Variants in DSE observed in about 807,000 individuals in gnomAD.
DSE encodes dermatan sulfate epimerase.
DSE carries 36 observed loss-of-function variants against 84.4 expected under a neutral mutation model. That is an observed-to-expected ratio of 0.43 (90% CI 0.33 to 0.56). DSE has a LOEUF of 0.56. Ranked by LOEUF, DSE falls within the 20% of genes least tolerant of loss-of-function variation. The pLI, the probability that DSE is intolerant of heterozygous loss-of-function variation, is 0.06. For synonymous variants in DSE, 410 were observed against 430.1 expected (o/e 0.95, Z 0.58); for missense variants, 862 against 1,169.6 (o/e 0.74, Z 3.84).
At chr6:116,288,519 A>C (rs1273803290) in intron 2 of DSE, 2 of 152,098 alleles carry the variant, frequency 1.3e-5, no homozygotes, top group Non-Finnish European at 2.9e-5. Context: ...CTTGAGAAAG[A>C]AGTGGGGCGT....
chr6:116,364,415 C>T (rs1779055776), intron 2 of DSE, among the ~76,000 whole-genome samples: 1 of 152,226 alleles, frequency 6.6e-6, no homozygotes, highest in Admixed American at 6.5e-5. Context: ...CGACTATTTC[C>T]CATCTAAAAG....
intron 2 of DSE, among the ~76,000 whole-genome samples, chr6:116,303,980 A>G (rs1775192123): frequency 6.6e-6 from 1 of 151,890 alleles, no homozygotes; most frequent in Admixed American, 6.6e-5. Flanking sequence ...CTAAAAATAC[A>G]AAAAAACTAG....
chr6:116,325,751 A>G lies in DSE; in HGVS notation c.-54+66784A>G, dbSNP rs532438363. Reference sequence around the variant, plus strand: ...TCAGATATTTTCCTGGCCTATCACTATGTAGCAGGACGAGCCACAGACAAA... The same window carrying G: ...TCAGATATTTTCCTGGCCTATCACTGTGTAGCAGGACGAGCCACAGACAAA... On this transcript the variant is annotated intron_variant, in intron 2 of 3. Coordinates refer to the DSE transcript ENST00000430252. Among the ~76,000 whole-genome samples the G allele has an allele frequency of 3.0e-4, 46 of 152,260 alleles. 1 individual carries two copies. The South Asian group carries it at 8.3e-3, about 27-fold the overall frequency.
chr6:116,363,353 CATAT>C (rs1419799824), intron 2 of DSE, among the ~76,000 whole-genome samples: 2 of 146,224 alleles, frequency 1.4e-5, no homozygotes, highest in Non-Finnish European at 3.0e-5. Flanking sequence ...TTAAAATATA[CATAT>C]ATATACACAT....
At chr6:116,404,738 G>A (rs1434573127) in intron 2 of DSE, among the ~76,000 whole-genome samples, 1 of 152,204 alleles carries the variant, frequency 6.6e-6, no homozygotes, top group Non-Finnish European at 1.5e-5. Flanking sequence ...TTCTCGCTAG[G>A]TTTCTTGGTA....
intron 2 of DSE, chr6:116,280,181 A>C: frequency 2.6e-6 from 1 of 388,282 alleles, no homozygotes; most frequent in Non-Finnish European, 5.0e-6. Flanking sequence ...GCAGTTGTAA[A>C]ATCACAGCCG....
intron 3 of DSE, among the ~76,000 whole-genome samples, chr6:116,428,395 ATTTT>A (rs1463356827): frequency 2.0e-5 from 3 of 152,130 alleles, no homozygotes; most frequent in African/African-American, 7.2e-5. Flanking sequence ...CCTTAAATAA[ATTTT>A]TATTTATTTA....
chr6:116,430,848 T>A, intron 3 of DSE, 106 bp from the exon 4 acceptor site: 1 of 1,478,310 alleles, frequency 6.8e-7, no homozygotes, highest in South Asian at 1.3e-5. Flanking sequence ...AAACGCGATT[T>A]GTAATATAAA....
chr6:116,365,064 C>T (rs777184397), intron 2 of DSE, among the ~76,000 whole-genome samples: 110 of 152,066 alleles, frequency 7.2e-4, no homozygotes, highest in Non-Finnish European at 1.2e-4. Context: ...TCTCGAACTC[C>T]TGGGCTCAAG....
intron 2 of DSE, among the ~76,000 whole-genome samples, chr6:116,290,446 A>C (rs1774209090): frequency 6.6e-6 from 1 of 152,116 alleles, no homozygotes; most frequent in Non-Finnish European, 1.5e-5. Context: ...CATTTACTAA[A>C]TGTGGGGCAC....
Position 116,441,497 on chromosome 6 carries a change from T to C in DSE, c.*4152T>C, listed in dbSNP as rs1433425905. On this transcript the variant is annotated 3_prime_UTR_variant, in exon 6 of 6. Transcript: ENST00000644252. ...GGCTGTTACATATATTGTGTACTTG[T>C]TTACAATAAGGTCTAAAACTGCCTA... The C allele has an allele frequency of 1.3e-5, 2 of 152,180 alleles. No individual in the cohort carries two copies. Among genetic ancestry groups the C allele is most frequent in the Non-Finnish European group, 2.9e-5 (2 of 68,034 alleles). The allele number at this position is 152,180 out of a possible 1,614,324, so 9.4% of individuals were successfully genotyped here.
intron 2 of DSE, chr6:116,355,827 ACCT>A (rs1298339303): frequency 1.3e-5 from 2 of 152,080 alleles, no homozygotes; most frequent in Non-Finnish European, 2.9e-5. Context: ...GTACAATCTG[ACCT>A]CCTTTGTTTT....
rs1004752958 is a variant in DSE at position 116,325,489 on chromosome 6, C to A, written c.-54+66522C>A. 5.3e-5 allele frequency among the ~76,000 whole-genome samples: 8 copies of A among 152,280 alleles called. No individual in the cohort carries two copies. In the South Asian group the frequency reaches 6.2e-4, roughly 12 times the overall value. ...TGATTTGTTTTTATCTTCTATCTTGCCTTCATCCCCAGATTTCTTGCAACT... is the reference window on the plus strand; with the variant it reads ...TGATTTGTTTTTATCTTCTATCTTGACTTCATCCCCAGATTTCTTGCAACT... On this transcript the variant is annotated intron_variant, in intron 2 of 3. Coordinates refer to the DSE transcript ENST00000430252.
At chr6:116,340,787 C>T (rs1281213566) in intron 2 of DSE, among the ~76,000 whole-genome samples, 2 of 152,090 alleles carry the variant, frequency 1.3e-5, no homozygotes, top group Admixed American at 6.6e-5. Context: ...TGGTTTCCAG[C>T]GTCATCAATG....
intron 1 of DSE, among the ~76,000 whole-genome samples, chr6:116,398,325 A>G (rs1781381976): frequency 2.0e-5 from 3 of 152,234 alleles, no homozygotes; most frequent in Admixed American, 1.3e-4. Flanking sequence ...CACTGAAAAA[A>G]GGGGCTTTGA....
chr6:116,407,813 T>G (rs537466895), intron 2 of DSE, among the ~76,000 whole-genome samples: 3 of 152,352 alleles, frequency 2.0e-5, no homozygotes, highest in Middle Eastern at 3.4e-3. Context: ...TTAGAGATTT[T>G]TTACATTTTT....
chr6:116,280,009 C>A, intron 2 of DSE: 1 of 820,850 alleles, frequency 1.2e-6, no homozygotes, highest in South Asian at 1.5e-5. Context: ...ATTGGTTCCG[C>A]CGCTCCCTGC....
At chr6:116,258,745 T>C (rs777019182) in exon 2 of DSE, 7 of 1,609,512 alleles carry the variant, frequency 4.3e-6, no homozygotes, top group Non-Finnish European at 6.0e-6. Flanking sequence ...GCGTGTGGAG[T>C]CCTCCCGGGG....
intron 2 of DSE, among the ~76,000 whole-genome samples, chr6:116,312,417 G>T (rs1247255293): frequency 6.6e-6 from 1 of 152,192 alleles, no homozygotes; most frequent in Non-Finnish European, 1.5e-5. Context: ...GCTTCCTGAA[G>T]GAGGACATCA....
Sources: gnomAD v4.1 joint callset for allele counts (sites outside exome capture counted in the v4.1 genomes callset) on GRCh38, gnomAD v4.1.1 for gene constraint, MANE v1.5 for transcripts, NCBI Gene and HGNC (gene_info 2026-07-23, HGNC 2026-07-21) for gene names.